NUP210: variants seen among roughly 807,000 people sequenced by gnomAD.
The protein encoded by NUP210 is nuclear pore membrane glycoprotein 210.
Under a neutral mutation model 196.0 loss-of-function variants are expected in NUP210, and 151 were observed. The ratio of observed to expected loss-of-function variants is 0.77; its 90% CI spans 0.67 to 0.88. NUP210 has a LOEUF of 0.88. Ranked by LOEUF, NUP210 falls within the 40% of genes least tolerant of loss-of-function variation. The pLI, the probability that NUP210 is intolerant of heterozygous loss-of-function variation, is 0.00. For missense variants in NUP210, 2,314 were observed against 2,493.7 expected (o/e 0.93, Z 1.53); for synonymous variants, 1,070 against 1,052.7 (o/e 1.02, Z -0.32).
intron 14 of NUP210, among the ~76,000 whole-genome samples, chr3:13,364,557 G>T (rs182294752): frequency 4.9e-4 from 74 of 152,292 alleles, no homozygotes; most frequent in African/African-American, 1.7e-3. Context: ...CGCCAGGCAC[G>T]GTGGCTCACG....
rs1699047882 is a variant in NUP210 at position 13,379,863 on chromosome 3, T to C, written c.818-142A>G. ...GACGCATTTTCTTAATTGTTTTCAG[T>C]GCTTTAAATGTTAATATTGTTCTGC... On this transcript the variant is annotated intron_variant, in intron 6 of 39. Transcript: ENST00000254508. This position sits in a 1 kb window ranked among gnomAD's most constrained non-coding sequence, Gnocchi z 4.2. 4.7e-6 allele frequency: 3 copies of C among 640,482 alleles called. No individual in the cohort carries two copies. Among genetic ancestry groups the C allele is most frequent in the Non-Finnish European group, 7.5e-6 (3 of 399,212 alleles). 39.7% of individuals were successfully genotyped at this position (640,482 alleles called of 1,614,324 possible). A position where few individuals can be genotyped will look rare whatever the true frequency, so the allele number is the denominator to read the frequency against.
intron 21 of NUP210, among the ~76,000 whole-genome samples, chr3:13,342,710 T>C (rs1697561772): frequency 1.3e-5 from 2 of 152,180 alleles, no homozygotes; most frequent in Admixed American, 1.3e-4. Context: ...TAATAAAAAT[T>C]CTGTATCAGT....
chr3:13,337,039 A>G, intron 26 of NUP210, 121 bp from the exon 27 acceptor site: 2 of 1,237,698 alleles, frequency 1.6e-6, no homozygotes, highest in Non-Finnish European at 2.3e-6. Flanking sequence ...ACTAGAGAAG[A>G]GCATGGCACA....
chr3:13,419,965 G>T, intron 1 of NUP210, 95 bp downstream of exon 1: 4 of 827,814 alleles, frequency 4.8e-6, no homozygotes, highest in Non-Finnish European at 4.5e-6. Context: ...CCGCGCACCT[G>T]CCGGCTCTGC....
intron 1 of NUP210, among the ~76,000 whole-genome samples, chr3:13,400,898 C>G (rs764827278): frequency 3.3e-5 from 5 of 151,032 alleles, no homozygotes; most frequent in Admixed American, 6.6e-5. Context: ...TGCCTAAACT[C>G]ACTGGAACAT....
Position 13,348,846 on chromosome 3 carries a change from C to T in NUP210, c.2835+3033G>A, listed in dbSNP as rs774426604. ...AAGACAGCTGGAGACCAACATCAAA[C>T]GCTGAAGGAAGGTTTTCGAAAACAC... On this transcript the variant is annotated intron_variant, in intron 20 of 39. Transcript: ENST00000254508. This position sits in a 1 kb window ranked among gnomAD's most constrained non-coding sequence, Gnocchi z 4.0. 1.2e-4 allele frequency: 119 copies of T among 985,282 alleles called. 1 individual carries two copies. Among genetic ancestry groups the T allele is most frequent in the Middle Eastern group, 1.0e-3 (2 of 1,936 alleles). 61.0% of individuals were successfully genotyped at this position (985,282 alleles called of 1,614,324 possible). A position where few individuals can be genotyped will look rare whatever the true frequency, so the allele number is the denominator to read the frequency against.
chr3:13,363,094 G>A (rs1008005558), intron 14 of NUP210, among the ~76,000 whole-genome samples: 17 of 152,170 alleles, frequency 1.1e-4, no homozygotes, highest in African/African-American at 2.4e-4. Context: ...TGCCTACCTC[G>A]CGGTGCTACT....
In NUP210 at chr3:13,323,491, G is replaced by T; in HGVS notation, c.4645-59C>A. 2 of 1,595,034 alleles carry T rather than the reference G, an allele frequency of 1.3e-6. No homozygotes were observed. Among genetic ancestry groups the T allele is most frequent in the South Asian group, 1.1e-5 (1 of 90,058 alleles). On this transcript the variant is annotated intron_variant, in intron 33 of 39. Coordinates refer to ENST00000254508, the MANE Select transcript of NUP210 (RefSeq NM_024923.4). The surrounding 1 kb of genome is among the most constrained non-coding windows in gnomAD (Gnocchi z 4.3). ...CCGCCTGTGTCCCGGTCCATGCTGG[G>T]CGTTTCCACAACCTCACCCTGCAGT...
chr3:13,331,458 T>C (rs921540844), intron 29 of NUP210, among the ~76,000 whole-genome samples: 1 of 152,178 alleles, frequency 6.6e-6, no homozygotes, highest in African/African-American at 2.4e-5. Context: ...TGGGGAACTC[T>C]TATTCATCCT....
In NUP210 at chr3:13,347,712, T is replaced by C. The variant is rs890220390; in HGVS notation, c.2835+4167A>G. ...GGAGCGCTGGGGGCTTGTCTATCTC[T>C]GTGCTGCTGCTCTGCAGCTGGAAAA... On this transcript the variant is annotated intron_variant, in intron 20 of 39. Coordinates refer to ENST00000254508, the MANE Select transcript of NUP210 (RefSeq NM_024923.4). This position sits in a 1 kb window ranked among gnomAD's most constrained non-coding sequence, Gnocchi z 4.7. Among the ~76,000 whole-genome samples, 15 of 152,322 alleles carry C rather than the reference T, an allele frequency of 9.8e-5. No individual in the cohort carries two copies. Among genetic ancestry groups the C allele is most frequent in the South Asian group, 4.1e-4 (2 of 4,824 alleles).
rs770614818 is a variant in NUP210 at position 13,353,614 on chromosome 3, G to T, written c.2568C>A (p.Ile856=). Residue 856 remains isoleucine (I), a synonymous_variant, in exon 18 of 40, where the codon ATC becomes ATA. Transcript: ENST00000254508. Reference sequence around the variant, plus strand: ...CCTGGTAGCCAGTGGCAGTGGCAGTGATGGCTGTGGTTCCTGATGCCTCGT... The same window carrying T: ...CCTGGTAGCCAGTGGCAGTGGCAGTTATGGCTGTGGTTCCTGATGCCTCGT... The part of the protein sequence containing the change: ...LVHEASGTTA[I]TATATGYQES... 6.8e-6 allele frequency: 11 copies of T among 1,614,022 alleles called. No homozygotes were observed. In the African/African-American group the frequency reaches 1.5e-4, roughly 22 times the overall value.
Position 13,375,647 on chromosome 3 carries a change from AG to A in NUP210, c.1294-7del, listed in dbSNP as rs757733876. On this transcript the variant is annotated splice_region_variant and splice_polypyrimidine_tract_variant and intron_variant, in intron 10 of 39. Coordinates refer to ENST00000254508, the MANE Select transcript of NUP210 (RefSeq NM_024923.4). ...AGTATGTGGACCCCTCCATCCTACA[AG>A]GGGTGAGGGTGCCACACGTAACCAT... The A allele has an allele frequency of 2.5e-6, 4 of 1,612,200 alleles. No homozygotes were observed. Among genetic ancestry groups the A allele is most frequent in the Non-Finnish European group, 3.4e-6 (4 of 1,179,122 alleles).
intron 28 of NUP210, 59 bp from the exon 29 acceptor site, chr3:13,332,443 T>C: frequency 7.6e-7 from 1 of 1,313,744 alleles, no homozygotes; most frequent in Non-Finnish European, 1.1e-6. Context: ...TCAGGCCAGA[T>C]GTCTGCTTCT....
chr3:13,336,187 C>T (rs1388158794), intron 27 of NUP210, among the ~76,000 whole-genome samples: 1 of 152,188 alleles, frequency 6.6e-6, no homozygotes, highest in Non-Finnish European at 1.5e-5. Flanking sequence ...TCCCCACTGT[C>T]CCTGAATCAG....
rs114649951 is a variant in NUP210 at position 13,368,722 on chromosome 3, T to C, written c.1787-2631A>G. On this transcript the variant is annotated intron_variant, in intron 13 of 39. Coordinates refer to ENST00000254508, the MANE Select transcript of NUP210 (RefSeq NM_024923.4). ...CTGGCTTACTTCACTGAGCATGATG[T>C]CTTCAAGGTTCTTCCATGTTGCAGC... Among the ~76,000 whole-genome samples the C allele has an allele frequency of 2.4e-3, 359 of 152,364 alleles. 1 individual carries two copies. The highest frequency in any genetic ancestry group is 4.3e-3 in the Non-Finnish European group (292 of 68,040).
At chr3:13,354,171 C>T in intron 16 of NUP210, 64 bp from the exon 17 acceptor site, 1 of 1,399,728 alleles carries the variant, frequency 7.1e-7, no homozygotes. Flanking sequence ...ACTGACCACG[C>T]AGTGCACTCT....
intron 5 of NUP210, among the ~76,000 whole-genome samples, chr3:13,387,538 C>T (rs565733011): frequency 2.6e-5 from 4 of 152,266 alleles, no homozygotes; most frequent in Non-Finnish European, 5.9e-5. Flanking sequence ...CCAGATGCAG[C>T]AAACCCACTA....
chr3:13,363,861 T>G (rs1029331584), intron 14 of NUP210, among the ~76,000 whole-genome samples: 3 of 152,190 alleles, frequency 2.0e-5, no homozygotes, highest in African/African-American at 7.2e-5. Context: ...GCTTCTGGCT[T>G]CTGCTGCTCC....
In NUP210 at chr3:13,388,468, C is replaced by A. The variant is rs777956227; in HGVS notation, c.534-15G>T. The A allele has an allele frequency of 6.3e-7, 1 of 1,583,580 alleles. No homozygotes were observed. The highest frequency in any genetic ancestry group is 1.4e-5 in the African/African-American group (1 of 73,382). ...AAGTGAGGATTCTGGAAAAGGAGCA[C>A]GTTGTCAAAGTTTGTTGATCAAACC... On this transcript the variant is annotated splice_polypyrimidine_tract_variant and intron_variant, in intron 4 of 39. Transcript: ENST00000254508.
Sources: allele counts gnomAD v4.1 joint callset (sites outside exome capture counted in the v4.1 genomes callset), GRCh38; gene constraint gnomAD v4.1.1; non-coding constraint Gnocchi (gnomAD v3.1); transcripts MANE v1.5; gene names NCBI Gene and HGNC (gene_info 2026-07-23, HGNC 2026-07-21).